ACSS3: variants seen among roughly 807,000 people sequenced by gnomAD.
The protein encoded by ACSS3 is acyl-CoA synthetase short chain family member 3.
ACSS3 carries 64 observed loss-of-function variants against 84.2 expected under a neutral mutation model. The ratio of observed to expected loss-of-function variants is 0.76; its 90% confidence interval spans 0.62 to 0.94. ACSS3 has a LOEUF of 0.94. Ranked by LOEUF, ACSS3 falls within the 40% of genes least tolerant of loss-of-function variation. The pLI, the probability that ACSS3 is intolerant of heterozygous loss-of-function variation, is 0.00. For synonymous variants in ACSS3, 317 were observed against 310.1 expected, an observed-to-expected ratio of 1.02 and a Z score of -0.23; for missense variants, 815 against 867.6, an observed-to-expected ratio of 0.94 and a Z score of 0.76.
rs770456275 is a variant in ACSS3, at chr12:81,216,992, C to T, written c.1446C>T (p.Tyr482=). The T allele has an allele frequency of 1.5e-5, 24 of 1,607,210 alleles. No homozygotes were observed. In the East Asian group the frequency reaches 4.9e-4, roughly 33 times the overall value. Residue 482 remains tyrosine, a synonymous_variant, in exon 10 of 16, where the codon TAC becomes TAT. Transcript: ENST00000548058. ...AAGCAGGAAAAAGCGTCCCAGGATA[C>T]AATGGTAAGGAATGACCCTGATAAT... ...PGQAGKSVPG[Y]NVMILDDNMQ...
chr12:81,165,707 A>G (rs1039955761), intron 7 of ACSS3, among the ~76,000 whole-genome samples: 8 of 152,090 alleles, frequency 5.3e-5, no homozygotes, highest in African/African-American at 1.7e-4. Context: ...GACACACCTA[A>G]CAAACTCTTA....
chr12:81,096,510 A>G (rs1565972944), intron 1 of ACSS3, among the ~76,000 whole-genome samples: 1 of 152,196 alleles, frequency 6.6e-6, no homozygotes, highest in Non-Finnish European at 1.5e-5. Context: ...TCTGGGATAC[A>G]TGCACAGAAA....
chr12:81,213,724 TCCCCTCC>T (rs1251504884), intron 9 of ACSS3, among the ~76,000 whole-genome samples: 10 of 98,320 alleles, frequency 1.0e-4, no homozygotes, highest in African/African-American at 3.6e-4. Flanking sequence ...TCCCCTCCGC[TCCCCTCC>T]GCTCCCCTCC....
Position 81,145,544 on chromosome 12 carries a change from G to A in ACSS3, c.921+2297G>A, listed in dbSNP as rs151109042. 1.9e-3 allele frequency among the ~76,000 whole-genome samples: 289 copies of A among 152,250 alleles called. 1 individual carries two copies. Among genetic ancestry groups the A allele is most frequent in the African/African-American group, 6.7e-3 (278 of 41,534 alleles). On this transcript the variant is annotated intron_variant, in intron 5 of 15. Transcript: ENST00000548058. ...GGGAAGATAGGTGACTACACACAAT[G>A]GAGACAAAGAAATTAGTTTTCAGGC...
At chr12:81,135,493 C>T (rs957060886) in intron 3 of ACSS3, among the ~76,000 whole-genome samples, 3 of 148,648 alleles carry the variant, frequency 2.0e-5, no homozygotes, top group East Asian at 3.9e-4. Context: ...CCATGGAATA[C>T]TTCTCAGCCA....
At chr12:81,082,467 G>C (rs1036243006) in intron 1 of ACSS3, among the ~76,000 whole-genome samples, 2 of 152,164 alleles carry the variant, frequency 1.3e-5, no homozygotes, top group African/African-American at 4.8e-5. Context: ...AAATGAGTAG[G>C]AGTTAGACAT....
chr12:81,218,102 C>A (rs898474280), intron 10 of ACSS3, among the ~76,000 whole-genome samples: 3 of 152,072 alleles, frequency 2.0e-5, no homozygotes, highest in African/African-American at 7.2e-5. Flanking sequence ...TATATGCTTT[C>A]CAGGGCTTCT....
At chr12:81,211,086 C>G (rs1417566519) in intron 9 of ACSS3, among the ~76,000 whole-genome samples, 1 of 152,066 alleles carries the variant, frequency 6.6e-6, no homozygotes, top group East Asian at 1.9e-4. Flanking sequence ...CCCACCTCAG[C>G]CTGCCCAATA....
chr12:81,122,534 AATT>A (rs1361666355), intron 2 of ACSS3, among the ~76,000 whole-genome samples: 1 of 152,204 alleles, frequency 6.6e-6, no homozygotes, highest in Admixed American at 6.5e-5. Context: ...TATGTGAGGC[AATT>A]ATTACTATCA....
intron 1 of ACSS3, among the ~76,000 whole-genome samples, chr12:81,092,735 C>G (rs567755104): frequency 5.3e-4 from 80 of 152,232 alleles, no homozygotes; most frequent in Non-Finnish European, 7.6e-4. Context: ...GATAATTGAG[C>G]AGGCTGCACT....
intron 1 of ACSS3, among the ~76,000 whole-genome samples, chr12:81,107,261 A>G (rs1358810380): frequency 1.3e-5 from 2 of 151,928 alleles, no homozygotes; most frequent in African/African-American, 4.8e-5. Context: ...CAACAAACAT[A>G]TTGAAAAAGA....
intron 2 of ACSS3, 118 bp downstream of exon 2, chr12:81,109,822 T>C: frequency 1.2e-6 from 1 of 849,516 alleles, no homozygotes; most frequent in Non-Finnish European, 1.7e-6. Context: ...TTGCCATGCT[T>C]TTCTTTTGAT....
At chr12:81,251,485 T>C (rs559599320) in intron 13 of ACSS3, among the ~76,000 whole-genome samples, 1 of 152,090 alleles carries the variant, frequency 6.6e-6, no homozygotes, top group Non-Finnish European at 1.5e-5. Flanking sequence ...GTAAGATGTA[T>C]ATGAGAATCC....
intron 13 of ACSS3, among the ~76,000 whole-genome samples, chr12:81,235,622 T>G (rs2033607933): frequency 6.6e-6 from 1 of 151,564 alleles, no homozygotes; most frequent in Non-Finnish European, 1.5e-5. Flanking sequence ...GAGTTTTGTA[T>G]ATTTCTTTCT....
intron 1 of ACSS3, among the ~76,000 whole-genome samples, chr12:81,079,471 C>A (rs79308388): frequency 0.017 from 2,646 of 152,244 alleles, 44 homozygotes; most frequent in South Asian, 0.029. Context: ...GCTCTGTGGT[C>A]AGAGCAAGAA....
At chr12:81,107,258 CAT>C (rs372456239) in intron 1 of ACSS3, among the ~76,000 whole-genome samples, 5 of 151,230 alleles carry the variant, frequency 3.3e-5, no homozygotes, top group African/African-American at 1.2e-4. Context: ...ATGCAACAAA[CAT>C]ATTGAAAAAG....
At chr12:81,090,021 C>A (rs773983205) in intron 1 of ACSS3, among the ~76,000 whole-genome samples, 6 of 151,906 alleles carry the variant, frequency 3.9e-5, no homozygotes, top group Admixed American at 6.6e-5. Context: ...CATAGCAGAA[C>A]CTAGAGAGTG....
intron 9 of ACSS3, among the ~76,000 whole-genome samples, chr12:81,207,681 T>C (rs1052916633): frequency 4.8e-4 from 73 of 152,270 alleles, no homozygotes; most frequent in African/African-American, 1.7e-3. Flanking sequence ...AAAGCGGAAC[T>C]TACGTTTGAG....
Position 81,192,515 on chromosome 12 carries a change from A to G in ACSS3, c.1251-6826A>G, listed in dbSNP as rs150122118. 6.0e-3 allele frequency among the ~76,000 whole-genome samples: 914 copies of G among 152,338 alleles called. 5 individuals are homozygous for G. Among genetic ancestry groups the G allele is most frequent in the Middle Eastern group, 0.01 (3 of 294 alleles). ...ATTGTCTTAAGGGAAGATCACTTCT[A>G]TTCATTAGGAATGGAGCTGACTTGA... On this transcript the variant is annotated intron_variant, in intron 8 of 15. Coordinates refer to ENST00000548058, the MANE Select transcript of ACSS3 (RefSeq NM_024560.4).
Sources: gnomAD v4.1 joint callset for allele counts (sites outside exome capture counted in the v4.1 genomes callset) on GRCh38, gnomAD v4.1.1 for gene constraint, MANE v1.5 for transcripts, NCBI Gene and HGNC (gene_info 2026-07-23, HGNC 2026-07-21) for gene names.